Variants in PNPLA2 observed in about 807,000 individuals in gnomAD.
PNPLA2 encodes the protein patatin-like phospholipase domain-containing protein 2.
PNPLA2 carries 28 observed loss-of-function variants against 39.7 expected under a neutral mutation model. The observed-to-expected ratio is 0.70, with a 90% CI of 0.52 to 0.97. The LOEUF is 0.97. Among genes scored for constraint, PNPLA2 ranks in the 50% least tolerant of loss-of-function variants. The pLI, the probability that PNPLA2 is intolerant of heterozygous loss-of-function variation, is 0.00. For synonymous variants in PNPLA2, 392 were observed against 321.1 expected (o/e 1.22, Z -2.36); for missense variants, 768 against 698.2 (o/e 1.10, Z -1.13).
chr11:822,070 A>T, intron 4 of PNPLA2, 47 bp downstream of exon 4: 2 of 1,568,322 alleles, frequency 1.3e-6, no homozygotes, highest in Non-Finnish European at 1.8e-6. Flanking sequence ...GGGCCGTGGG[A>T]TGAGGGACAG....
In PNPLA2 at chr11:819,883, G is replaced by T. The variant is rs761885395; in HGVS notation, c.165G>T (p.Ala55=). 6.5e-5 allele frequency: 94 copies of T among 1,443,928 alleles called. No homozygotes were observed. Among genetic ancestry groups the T allele is most frequent in the Admixed American group, 4.2e-4 (16 of 38,432 alleles). The allele number at this position is 1,443,928 out of a possible 1,614,324, so 89.4% of individuals were successfully genotyped here. ...GASAGALTAT[A]LVTGVCLGEA... ...CGGCCGGGGCGCTCACGGCCACGGC[G>T]CTGGTCACCGGGGTCTGCCTGGGTG... is the stretch of plus-strand genomic sequence containing the variant. Residue 55 remains alanine, a synonymous_variant, in exon 2 of 10, where the codon GCG becomes GCT. Coordinates refer to ENST00000336615, the MANE Select transcript of PNPLA2 (RefSeq NM_020376.4).
At chr11:820,056 C>A in intron 2 of PNPLA2, 151 bp downstream of exon 2, 1 of 541,814 alleles carries the variant, frequency 1.8e-6, no homozygotes. Flanking sequence ...GGCGAGGATC[C>A]AATCCGGGTC....
rs1207047882 is a variant in PNPLA2, at chr11:823,604, G to A, written c.757+17G>A. ...AGCGGAACGGTGCGCGGACCCGGGC[G>A]GGAGAGGGCGGGGTGGGCTCGGCTC... On this transcript the variant is annotated intron_variant, in intron 6 of 9. Coordinates refer to ENST00000336615, the MANE Select transcript of PNPLA2 (RefSeq NM_020376.4). 1.9e-6 allele frequency: 3 copies of A among 1,606,930 alleles called. No homozygotes were observed. The highest frequency in any genetic ancestry group is 2.2e-5 in the South Asian group (2 of 90,052).
In PNPLA2 at chr11:819,466, C is replaced by T. The variant is rs993330421; in HGVS notation, c.-145-108C>T. 29 of 1,199,700 alleles carry T rather than the reference C, an allele frequency of 2.4e-5. No individual in the cohort carries two copies. The African/African-American group carries it at 4.0e-4, about 16-fold the overall frequency. 74.3% of individuals were successfully genotyped at this position (1,199,700 alleles called of 1,614,324 possible). ...GCCGGGTCAAGGACGGGGGCGGGTC[C>T]CGAGGGCACGGCCGTTCCCTGCGCG... On this transcript the variant is annotated intron_variant, in intron 1 of 9. Coordinates refer to ENST00000336615, the MANE Select transcript of PNPLA2 (RefSeq NM_020376.4).
At position 823,994 on chromosome 11, in the gene PNPLA2, G is replaced by C. The variant is rs1845773134; in HGVS notation, c.920-4G>C. 1 of 1,602,816 alleles carries C rather than the reference G, an allele frequency of 6.2e-7. No individual in the cohort carries two copies. The highest frequency in any genetic ancestry group is 8.5e-7 in the Non-Finnish European group (1 of 1,176,636). On this transcript the variant is annotated splice_region_variant and splice_polypyrimidine_tract_variant and intron_variant, in intron 7 of 9. Coordinates refer to ENST00000336615, the MANE Select transcript of PNPLA2 (RefSeq NM_020376.4). ...CTGGCCGCCGACCTCCCGCCCACCC[G>C]CAGCCCTGCTGGAGGCCTGCGTGGA...
At position 824,157 on chromosome 11, in the gene PNPLA2, G is replaced by A. The variant is rs187839271; in HGVS notation, c.1052+27G>A. Reference sequence around the variant, plus strand: ...TGTGAGGGCTGGGGGGTCGGGAGAGGGGCCCAGGGGACGGACTTTGGGATC... The same window carrying A: ...TGTGAGGGCTGGGGGGTCGGGAGAGAGGCCCAGGGGACGGACTTTGGGATC... On this transcript the variant is annotated intron_variant, in intron 8 of 9. Transcript: ENST00000336615. The A allele has an allele frequency of 4.9e-5, 77 of 1,579,676 alleles. No homozygotes were observed. In the African/African-American group the frequency reaches 9.2e-4, roughly 19 times the overall value.
intron 8 of PNPLA2, 53 bp from the exon 9 acceptor site, chr11:824,261 T>G (rs2133850539): frequency 3.9e-6 from 6 of 1,547,760 alleles, no homozygotes; most frequent in Non-Finnish European, 3.5e-6. Flanking sequence ...GCCCGGCGGG[T>G]GGGCATGTGG....
At position 823,536 on chromosome 11, in the gene PNPLA2, G is replaced by C; in HGVS notation, c.706G>C (p.Glu236Gln). The C allele has an allele frequency of 1.2e-6, 2 of 1,609,916 alleles. No individual in the cohort carries two copies. Among genetic ancestry groups the C allele is most frequent in the African/African-American group, 1.3e-5 (1 of 74,944 alleles). ...ACCCTCCTCACTGCAGGTGCTGCGA[G>C]AGATGTGCAAGCAGGGATACCGGGA... ...LFPPEPLVLREMCKQGYRDGL... is the reference protein window; with the variant it reads ...LFPPEPLVLRQMCKQGYRDGL... Residue 236 changes from glutamate to glutamine, a missense_variant, in exon 6 of 10, where the codon GAG becomes CAG. Physicochemically the swap from Glu to Gln is conservative, Grantham distance 29. Transcript: ENST00000336615.
Position 824,374 on chromosome 11 carries a change from C to A in PNPLA2, c.1113C>A (p.Gly371=), listed in dbSNP as rs1343535407. 1.9e-6 allele frequency: 3 copies of A among 1,551,146 alleles called. No homozygotes were observed. Among genetic ancestry groups the A allele is most frequent in the Non-Finnish European group, 2.6e-6 (3 of 1,147,692 alleles). ...EDIRWMKEQT[G]SICQYLVMRA... is the part of the protein sequence containing the mutation. ...TCCGGTGGATGAAGGAGCAGACGGG[C>A]AGCATCTGCCAGTACCTGGTGATGC... Residue 371 remains glycine (G), a synonymous_variant, in exon 9 of 10, where the codon GGC becomes GGA. Coordinates refer to ENST00000336615, the MANE Select transcript of PNPLA2 (RefSeq NM_020376.4).
In PNPLA2 at chr11:824,143, G is replaced by A. The variant is rs367963691; in HGVS notation, c.1052+13G>A. Reference sequence around the variant, plus strand: ...CCTTCACCATCCGGTGTGAGGGCTGGGGGGTCGGGAGAGGGGCCCAGGGGA... The same window carrying A: ...CCTTCACCATCCGGTGTGAGGGCTGAGGGGTCGGGAGAGGGGCCCAGGGGA... On this transcript the variant is annotated intron_variant, in intron 8 of 9. Coordinates refer to ENST00000336615, the MANE Select transcript of PNPLA2 (RefSeq NM_020376.4). 1.3e-5 allele frequency: 21 copies of A among 1,587,968 alleles called. No individual in the cohort carries two copies. Among genetic ancestry groups the A allele is most frequent in the Admixed American group, 7.1e-5 (4 of 56,600 alleles).
rs1375353217 is a variant in PNPLA2 at position 821,693 on chromosome 11, C to T, written c.253C>T (p.His85Tyr). ...EARKRFLGPLHPSFNLVKIIR... is the reference protein window; with the variant it reads ...EARKRFLGPLYPSFNLVKIIR... ...CCGGAAGCGGTTCCTGGGCCCCCTGCACCCCTCCTTCAACCTGGTAAAGAT... is the reference window on the plus strand; with the variant it reads ...CCGGAAGCGGTTCCTGGGCCCCCTGTACCCCTCCTTCAACCTGGTAAAGAT... Residue 85 changes from histidine (H) to tyrosine (Y), a missense_variant, in exon 3 of 10, where the codon CAC (histidine) becomes TAC (tyrosine). Coordinates refer to ENST00000336615, the MANE Select transcript of PNPLA2 (RefSeq NM_020376.4). The T allele has an allele frequency of 3.1e-6, 5 of 1,614,006 alleles. No homozygotes were observed. Among genetic ancestry groups the T allele is most frequent in the Non-Finnish European group, 4.2e-6 (5 of 1,180,026 alleles).
intron 2 of PNPLA2, among the ~76,000 whole-genome samples, chr11:820,145 G>GC (rs1372224721): frequency 6.6e-6 from 1 of 152,266 alleles, no homozygotes; most frequent in Non-Finnish European, 1.5e-5. Context: ...AGGTTTGGGG[G>GC]CGGGCAGGTG....
In PNPLA2 at chr11:824,141, T is replaced by G; in HGVS notation, c.1052+11T>G. The G allele has an allele frequency of 1.3e-6, 2 of 1,588,612 alleles. No homozygotes were observed. The highest frequency in any genetic ancestry group is 2.3e-5 in the South Asian group (2 of 88,040). On this transcript the variant is annotated intron_variant, in intron 8 of 9. Coordinates refer to ENST00000336615, the MANE Select transcript of PNPLA2 (RefSeq NM_020376.4). The stretch of plus-strand genomic sequence containing the variant: ...GTCCTTCACCATCCGGTGTGAGGGC[T>G]GGGGGGTCGGGAGAGGGGCCCAGGG...
At chr11:819,470 G>T (rs1328383227) in intron 1 of PNPLA2, 104 bp from the exon 2 acceptor site, 2 of 1,213,876 alleles carry the variant, frequency 1.6e-6, no homozygotes, top group Non-Finnish European at 2.1e-6. Flanking sequence ...CGGGTCCCGA[G>T]GGCACGGCCG....
rs1300324398 is a variant in PNPLA2, at chr11:825,430, A to T, written c.*568A>T. On this transcript the variant is annotated 3_prime_UTR_variant, in exon 10 of 10. Transcript: ENST00000336615. ...ATATGAACGTACTGCATTCCTGCCGACCCCCCTGTCTAGGATGCATCCACA... is the reference window on the plus strand; with the variant it reads ...ATATGAACGTACTGCATTCCTGCCGTCCCCCCTGTCTAGGATGCATCCACA... The T allele has an allele frequency of 7.8e-6, 1 of 127,854 alleles. No individual in the cohort carries two copies. Among genetic ancestry groups the T allele is most frequent in the Non-Finnish European group, 1.6e-5 (1 of 61,770 alleles). The allele number at this position is 127,854 out of a possible 1,614,324, so 7.9% of individuals were successfully genotyped here.
At chr11:819,432 G>A in intron 1 of PNPLA2, 142 bp from the exon 2 acceptor site, 1 of 1,157,404 alleles carries the variant, frequency 8.6e-7, no homozygotes. Context: ...CGGGGCTCCA[G>A]CGCGGGGGGC....
rs1847696022 is a variant in PNPLA2, at chr11:819,630, G to C, written c.-89G>C. The C allele has an allele frequency of 7.4e-7, 1 of 1,343,022 alleles. No individual in the cohort carries two copies. Among genetic ancestry groups the C allele is most frequent in the Non-Finnish European group, 9.7e-7 (1 of 1,031,778 alleles). The allele number at this position is 1,343,022 out of a possible 1,614,324, so 83.2% of individuals were successfully genotyped here. On this transcript the variant is annotated 5_prime_UTR_variant, in exon 2 of 10. Coordinates refer to ENST00000336615, the MANE Select transcript of PNPLA2 (RefSeq NM_020376.4). ...CTAGAGCCGCAGCGGGACCTGCCCG[G>C]CCCCCGGCTCCAGCGAGCGAGCGGC... is the stretch of plus-strand genomic sequence containing the variant.
intron 8 of PNPLA2, 78 bp downstream of exon 8, chr11:824,208 A>AGGTGG (rs979647636): frequency 7.8e-6 from 12 of 1,548,028 alleles, no homozygotes; most frequent in Admixed American, 1.9e-5. Context: ...TTACCAGGGA[A>AGGTGG]GGTGGGGTGG....
In PNPLA2 at chr11:823,606, G is replaced by T. The variant is rs1447928751; in HGVS notation, c.757+19G>T. ...CGGAACGGTGCGCGGACCCGGGCGG[G>T]AGAGGGCGGGGTGGGCTCGGCTCTG... On this transcript the variant is annotated intron_variant, in intron 6 of 9. Coordinates refer to ENST00000336615, the MANE Select transcript of PNPLA2 (RefSeq NM_020376.4). 6.9e-6 allele frequency: 11 copies of T among 1,603,650 alleles called. No homozygotes were observed. The highest frequency in any genetic ancestry group is 8.5e-6 in the Non-Finnish European group (10 of 1,174,092).
Sources: allele counts gnomAD v4.1 joint callset (sites outside exome capture counted in the v4.1 genomes callset), GRCh38; gene constraint gnomAD v4.1.1; transcripts MANE v1.5; gene names NCBI Gene and HGNC (gene_info 2026-07-23, HGNC 2026-07-21).